DDX19A: variants seen among roughly 807,000 people sequenced by gnomAD.
The protein encoded by DDX19A is ATP-dependent RNA helicase DDX19A.
DDX19A carries 12 observed loss-of-function variants against 60.6 expected under a neutral mutation model. The observed-to-expected ratio is 0.20, with a 90% confidence interval of 0.13 to 0.32. The LOEUF (loss-of-function observed/expected upper bound fraction) is 0.32, where lower values mean the gene tolerates loss of function less well. DDX19A is among the 10% of genes least tolerant of loss of function. The pLI is 1.00. For missense variants in DDX19A, 337 were observed against 600.6 expected (o/e 0.56, Z 4.59); for synonymous variants, 206 against 218.2 (o/e 0.94, Z 0.49).
intron 2 of DDX19A, among the ~76,000 whole-genome samples, chr16:70,353,129 C>CTTTTTTTTTT (rs1308743627): frequency 6.9e-6 from 1 of 144,628 alleles, no homozygotes; most frequent in African/African-American, 2.6e-5. Flanking sequence ...TTCTTTCTTT[C>CTTTTTTTTTT]TTTTTTTTTT....
intron 2 of DDX19A, among the ~76,000 whole-genome samples, chr16:70,353,910 A>C (rs1170065117): frequency 2.0e-5 from 3 of 151,560 alleles, no homozygotes; most frequent in Non-Finnish European, 4.4e-5. Context: ...CAAAAAAAAA[A>C]AAAAAAAACA....
In DDX19A at chr16:70,366,676, T is replaced by A; in HGVS notation, c.835T>A (p.Ser279Thr). ...GCTTTTCTCCGCCACCTTTGAAGAC[T>A]CTGTGTGGAAGTTTGCCCAGAAAGT... ...MLLFSATFED[S>T]VWKFAQKVVP... The change falls in exon 9 of 12, where the codon TCT (serine) becomes ACT (threonine). Residue 279 changes from serine to threonine, a missense_variant. Coordinates refer to ENST00000302243, the MANE Select transcript of DDX19A (RefSeq NM_018332.5). 1 of 1,614,200 alleles carries A rather than the reference T, an allele frequency of 6.2e-7. No homozygotes were observed. The highest frequency in any genetic ancestry group is 8.5e-7 in the Non-Finnish European group (1 of 1,180,036).
chr16:70,372,163 C>T lies in DDX19A; in HGVS notation c.*177C>T. On this transcript the variant is annotated 3_prime_UTR_variant, in exon 12 of 12. Coordinates refer to ENST00000302243, the MANE Select transcript of DDX19A (RefSeq NM_018332.5). ...AAAAATAGGTGCAAATGATGGGGGG[C>T]AATAGAAGAAAAAATTTGCATTTTG... 1.9e-6 allele frequency: 2 copies of T among 1,068,848 alleles called. No individual in the cohort carries two copies. The highest frequency in any genetic ancestry group is 2.7e-6 in the Non-Finnish European group (2 of 739,210). The allele number at this position is 1,068,848 out of a possible 1,614,324, so 66.2% of individuals were successfully genotyped here.
rs7196338 is a variant in DDX19A at position 70,361,367 on chromosome 16, A to G, written c.294-51A>G. 2.6e-3 allele frequency: 3,535 copies of G among 1,362,330 alleles called. 59 individuals are homozygous for G. The African/African-American group carries it at 0.043, about 17-fold the overall frequency. 84.4% of individuals were successfully genotyped at this position (1,362,330 alleles called of 1,614,324 possible). The stretch of plus-strand genomic sequence containing the variant: ...GAAAAAGATAAGATTCTAGGCCTCT[A>G]AAACAATTCTAACTTCTAGGCATCC... On this transcript the variant is annotated intron_variant, in intron 4 of 11. Coordinates refer to ENST00000302243, the MANE Select transcript of DDX19A (RefSeq NM_018332.5).
intron 4 of DDX19A, among the ~76,000 whole-genome samples, chr16:70,359,284 G>T (rs1697363633): frequency 6.6e-6 from 1 of 152,172 alleles, no homozygotes; most frequent in South Asian, 2.1e-4. Flanking sequence ...GTCAGAAGCT[G>T]CCGAGTGTCA....
chr16:70,352,302 T>C (rs1964040069), intron 2 of DDX19A, among the ~76,000 whole-genome samples: 2 of 150,048 alleles, frequency 1.3e-5, no homozygotes, highest in Non-Finnish European at 3.0e-5. Flanking sequence ...TTTTTTTTTT[T>C]GAGGCAGAGT....
intron 2 of DDX19A, among the ~76,000 whole-genome samples, chr16:70,353,358 G>A (rs534770626): frequency 1.3e-5 from 2 of 151,594 alleles, no homozygotes; most frequent in South Asian, 2.1e-4. Flanking sequence ...CAGGCAATCC[G>A]CTCGCTTGGC....
chr16:70,367,640 G>A (rs1046663519), intron 9 of DDX19A, among the ~76,000 whole-genome samples: 2 of 152,206 alleles, frequency 1.3e-5, no homozygotes, highest in African/African-American at 4.8e-5. Context: ...CACTTTGGCA[G>A]GCCGAGACAG....
chr16:70,362,868 G>T (rs1447029041), intron 5 of DDX19A, among the ~76,000 whole-genome samples: 1 of 151,034 alleles, frequency 6.6e-6, no homozygotes, highest in Non-Finnish European at 1.5e-5. Flanking sequence ...AAAAAAATTA[G>T]CCGGGCTTGG....
intron 1 of DDX19A, chr16:70,347,819 T>C (rs947664989): frequency 3.3e-5 from 8 of 239,962 alleles, no homozygotes; most frequent in Admixed American, 5.5e-5. Context: ...GTCTCCCGAG[T>C]AGCTGGGATT....
At chr16:70,368,372 A>G (rs945727945) in intron 9 of DDX19A, among the ~76,000 whole-genome samples, 1 of 151,516 alleles carries the variant, frequency 6.6e-6, no homozygotes, top group African/African-American at 2.4e-5. Context: ...TCCTGGGTTC[A>G]AGCAATTCTC....
At chr16:70,348,313 G>A (rs1364653925) in intron 1 of DDX19A, among the ~76,000 whole-genome samples, 1 of 152,008 alleles carries the variant, frequency 6.6e-6, no homozygotes, top group Non-Finnish European at 1.5e-5. Context: ...GAAAGTGGGA[G>A]GAAGGGCAGA....
chr16:70,363,004 A>C (rs1597535093), intron 5 of DDX19A, among the ~76,000 whole-genome samples: 1 of 139,876 alleles, frequency 7.1e-6, no homozygotes, highest in African/African-American at 2.7e-5. Flanking sequence ...ACAGAGTAAG[A>C]CTCTGTCTCA....
At chr16:70,349,610 A>G (rs16970121) in intron 1 of DDX19A, among the ~76,000 whole-genome samples, 14,093 of 152,194 alleles carry the variant, frequency 0.093, 2,145 homozygotes, top group African/African-American at 0.32. Context: ...GGAGTTCAGG[A>G]GAAGGAGCAG....
intron 1 of DDX19A, among the ~76,000 whole-genome samples, chr16:70,350,244 C>A (rs1963970302): frequency 6.6e-6 from 1 of 152,154 alleles, no homozygotes; most frequent in African/African-American, 2.4e-5. Flanking sequence ...CAGAGTGAGA[C>A]CTTGTCTCAG....
Position 70,370,259 on chromosome 16 carries a change from T to G in DDX19A, c.1057T>G (p.Ser353Ala), listed in dbSNP as rs1293172500. 6.2e-7 allele frequency: 1 copy of G among 1,614,058 alleles called. No homozygotes were observed. Among genetic ancestry groups the G allele is most frequent in the African/African-American group, 1.3e-5 (1 of 75,022 alleles). Residue 353 changes from serine to alanine, a missense_variant, in exon 10 of 12, where the codon TCA becomes GCA. Coordinates refer to ENST00000302243, the MANE Select transcript of DDX19A (RefSeq NM_018332.5). ...KTASWLAAEL[S>A]KEGHQVALLS... ...AGCTAGTTGGCTGGCAGCAGAGCTCTCAAAAGAAGGCCACCAGGTGGCTCT... is the reference window on the plus strand; with the variant it reads ...AGCTAGTTGGCTGGCAGCAGAGCTCGCAAAAGAAGGCCACCAGGTGGCTCT...
At position 70,365,129 on chromosome 16, in the gene DDX19A, A is replaced by G. The variant is rs1964479928; in HGVS notation, c.602A>G (p.Lys201Arg). ...CTTGCCTATGCCGTTCGAGGCAATA[A>G]ATGTGAGTACGGCAGGCGACAACTG... ...LKLAYAVRGN[K>R]LERGQKISEQ... Residue 201 changes from lysine (K) to arginine (R), a missense_variant and splice_region_variant, in exon 7 of 12, where the codon AAA becomes AGA. Lys to Arg is a conservative substitution (Grantham distance 26). Transcript: ENST00000302243. 2 of 1,608,452 alleles carry G rather than the reference A, an allele frequency of 1.2e-6. No homozygotes were observed. Among genetic ancestry groups the G allele is most frequent in the African/African-American group, 2.7e-5 (2 of 74,802 alleles).
At chr16:70,371,835 C>G in intron 11 of DDX19A, 90 bp from the exon 12 acceptor site, 1 of 1,600,310 alleles carries the variant, frequency 6.2e-7, no homozygotes, top group Non-Finnish European at 8.6e-7. Flanking sequence ...CTTAGGCACC[C>G]GGAGCCTTTG....
chr16:70,368,702 G>C (rs1269018292), intron 9 of DDX19A, among the ~76,000 whole-genome samples: 1 of 151,636 alleles, frequency 6.6e-6, no homozygotes, highest in East Asian at 1.9e-4. Context: ...ACATGGCACT[G>C]TGCCCAGCTC....
Sources: allele counts gnomAD v4.1 joint callset (sites outside exome capture counted in the v4.1 genomes callset), GRCh38; gene constraint gnomAD v4.1.1; transcripts MANE v1.5; gene names NCBI Gene and HGNC (gene_info 2026-07-23, HGNC 2026-07-21).